LIG3: variants seen among roughly 807,000 people sequenced by gnomAD.
LIG3 encodes DNA ligase 3.
Under a neutral mutation model 110.9 loss-of-function variants are expected in LIG3, and 58 were observed. The ratio of observed to expected loss-of-function variants is 0.52; its 90% CI spans 0.42 to 0.65. LIG3 has a LOEUF of 0.65. LIG3 is among the 30% of genes least tolerant of loss of function. The pLI is 0.00. For synonymous variants in LIG3, 422 were observed against 472.8 expected (o/e 0.89, Z 1.39); for missense variants, 1,094 against 1,273.8 (o/e 0.86, Z 2.15).
chr17:34,997,037 G>C, intron 11 of LIG3: 1 of 179,004 alleles, frequency 5.6e-6, no homozygotes. Flanking sequence ...GGCTCCAGTG[G>C]CACCCCTGGG....
chr17:34,999,290 T>C lies in LIG3; in HGVS notation c.2114-17T>C, dbSNP rs1555556973. 11 of 1,607,134 alleles carry C rather than the reference T, an allele frequency of 6.8e-6. No individual in the cohort carries two copies. In the Admixed American group the frequency reaches 1.8e-4, roughly 27 times the overall value. Reference sequence around the variant, plus strand: ...ATGGCTCCTCCAACCCACACTCATCTCACACTCCCCTCCCAGGCGGCATGA... The same window carrying C: ...ATGGCTCCTCCAACCCACACTCATCCCACACTCCCCTCCCAGGCGGCATGA... On this transcript the variant is annotated splice_polypyrimidine_tract_variant and intron_variant, in intron 14 of 19. Coordinates refer to ENST00000378526, the MANE Select transcript of LIG3 (RefSeq NM_013975.4).
At chr17:34,996,913 G>T in intron 11 of LIG3, 3 of 447,392 alleles carry the variant, frequency 6.7e-6, no homozygotes, top group Non-Finnish European at 1.2e-5. Context: ...TTAAGTCACA[G>T]AAGAAACCCA....
At chr17:34,981,657 G>C (rs1463649278) in intron 1 of LIG3, 1 of 152,212 alleles carries the variant, frequency 6.6e-6, no homozygotes, top group Non-Finnish European at 1.5e-5. Context: ...AGTCAGACTT[G>C]CACTCCCATC....
In LIG3 at chr17:34,997,767, A is replaced by C. The variant is rs1415178545; in HGVS notation, c.1853A>C (p.His618Pro). Residue 618 changes from histidine (H) to proline (P), a missense_variant, in exon 12 of 20, where the codon CAT (histidine) becomes CCT (proline). His to Pro is a moderately conservative substitution (Grantham distance 77). Transcript: ENST00000378526. ...RPLCERRKFLHDNMVEIPNRI... is the reference protein window; with the variant it reads ...RPLCERRKFLPDNMVEIPNRI... ...CTGTGTGAGCGGCGGAAGTTTCTTC[A>C]TGACAACATGGTTGAAATTCCAAAC... 1 of 1,614,042 alleles carries C rather than the reference A, an allele frequency of 6.2e-7. No individual in the cohort carries two copies. Among genetic ancestry groups the C allele is most frequent in the African/African-American group, 1.3e-5 (1 of 74,928 alleles).
chr17:34,996,150 C>T lies in LIG3; in HGVS notation c.1698C>T (p.Asn566=), dbSNP rs199764227. 4 of 1,614,156 alleles carry T rather than the reference C, an allele frequency of 2.5e-6. No homozygotes were observed. The highest frequency in any genetic ancestry group is 2.2e-5 in the South Asian group (2 of 91,080). The change falls in exon 10 of 20, where the codon AAC becomes AAT. Residue 566 remains asparagine (N), a synonymous_variant. Transcript: ENST00000378526. ...ILDSEVLLID[N]KTGKPLPFGT... is the part of the protein sequence containing the mutation. ...ATTCTGAAGTGCTTCTGATTGACAA[C>T]AAGACAGGCAAACCACTGCCCTTTG... is the stretch of plus-strand genomic sequence containing the variant.
intron 2 of LIG3, 112 bp downstream of exon 2, chr17:34,983,664 TCTCA>T: frequency 9.5e-7 from 1 of 1,054,606 alleles, no homozygotes; most frequent in South Asian, 1.7e-5. Flanking sequence ...AGAGATGGGG[TCTCA>T]CTCTGTTGCC....
At chr17:34,996,813 A>G (rs543683173) in intron 11 of LIG3, among the ~76,000 whole-genome samples, 160 bp downstream of exon 11, 1 of 152,286 alleles carries the variant, frequency 6.6e-6, no homozygotes, top group East Asian at 1.9e-4. Flanking sequence ...GGCAAGAGGG[A>G]GCTGAGAGGA....
chr17:35,003,025 A>G, intron 19 of LIG3: 1 of 1,614,222 alleles, frequency 6.2e-7, no homozygotes, highest in Non-Finnish European at 8.5e-7. Context: ...GAGAGGAAGA[A>G]CTGTGCCAGC....
rs560897432 is a variant in LIG3 at position 34,991,366 on chromosome 17, A to G, written c.1041+252A>G. On this transcript the variant is annotated intron_variant, in intron 5 of 19. Coordinates refer to ENST00000378526, the MANE Select transcript of LIG3 (RefSeq NM_013975.4). ...TGGTTCTCAAAAGGCAGAATTTGAG[A>G]CTTGCCCCCTCTGTCTCTCCTGGGG... 2.6e-5 allele frequency: 15 copies of G among 566,600 alleles called. No individual in the cohort carries two copies. In the South Asian group the frequency reaches 3.3e-4, roughly 13 times the overall value. The allele number at this position is 566,600 out of a possible 1,614,324, so 35.1% of individuals were successfully genotyped here. A position where few individuals can be genotyped will look rare whatever the true frequency, so the allele number is the denominator to read the frequency against.
At position 35,002,094 on chromosome 17, in the gene LIG3, C is replaced by T. The variant is rs539553091; in HGVS notation, c.2664C>T (p.Asn888=). The T allele has an allele frequency of 2.8e-5, 44 of 1,583,264 alleles. No individual in the cohort carries two copies. The highest frequency in any genetic ancestry group is 3.3e-5 in the Non-Finnish European group (39 of 1,165,660). The part of the protein sequence containing the change: ...KKAEGKLSNS[N]SKDGNMQTAK... ...CAGAAGGGAAGCTGAGTAACTCCAA[C>T]AGCAAAGATGGTAAGGATAGGGAGG... Residue 888 remains asparagine, a synonymous_variant, in exon 18 of 20, where the codon AAC becomes AAT. Transcript: ENST00000378526.
In LIG3 at chr17:35,009,115, G is replaced by A. The variant is rs1339304126; in HGVS notation, c.*4609G>A. On this transcript the variant is annotated 3_prime_UTR_variant, in exon 20 of 20. Coordinates refer to ENST00000378526, the MANE Select transcript of LIG3 (RefSeq NM_013975.4). ...CATCCTCGCACCAGACAGGACAGGTGTCTGTATTGAAACTTTATTACAAAA... is the reference window on the plus strand; with the variant it reads ...CATCCTCGCACCAGACAGGACAGGTATCTGTATTGAAACTTTATTACAAAA... 1.3e-5 allele frequency: 2 copies of A among 152,646 alleles called. No individual in the cohort carries two copies. The highest frequency in any genetic ancestry group is 4.8e-5 in the African/African-American group (2 of 41,458). 9.5% of individuals were successfully genotyped at this position (152,646 alleles called of 1,614,324 possible).
intron 9 of LIG3, among the ~76,000 whole-genome samples, chr17:34,995,658 T>C (rs911705322): frequency 6.6e-6 from 1 of 152,150 alleles, no homozygotes; most frequent in African/African-American, 2.4e-5. Context: ...ATTTCTACCT[T>C]TCTGGTTTCA....
At position 35,004,308 on chromosome 17, in the gene LIG3, C is replaced by T; in HGVS notation, c.2832C>T (p.Tyr944=). The T allele has an allele frequency of 1.2e-6, 2 of 1,614,178 alleles. No homozygotes were observed. Among genetic ancestry groups the T allele is most frequent in the Non-Finnish European group, 1.7e-6 (2 of 1,180,030 alleles). Residue 944 remains tyrosine, a synonymous_variant, in exon 20 of 20, where the codon TAC becomes TAT. Coordinates refer to ENST00000378526, the MANE Select transcript of LIG3 (RefSeq NM_013975.4). ...LLDIFTGVRL[Y]LPPSTPDFSR... is the part of the protein sequence containing the mutation. Reference sequence around the variant, plus strand: ...ACATCTTCACTGGGGTGCGGCTTTACTTGCCACCCTCCACACCAGACTTCA... The same window carrying T: ...ACATCTTCACTGGGGTGCGGCTTTATTTGCCACCCTCCACACCAGACTTCA...
In LIG3 at chr17:34,986,111, G is replaced by T. The variant is rs202243099; in HGVS notation, c.671G>T (p.Arg224Leu). 3 of 1,613,990 alleles carry T rather than the reference G, an allele frequency of 1.9e-6. No individual in the cohort carries two copies. The highest frequency in any genetic ancestry group is 1.6e-4 in the Middle Eastern group (1 of 6,062). Reference sequence around the variant, plus strand: ...TCATTTGTCACCAGTACCAATCCCCGGAAATTTTCTGGCTTTTCAGGTAAG... The same window carrying T: ...TCATTTGTCACCAGTACCAATCCCCTGAAATTTTCTGGCTTTTCAGGTAAG... ...GASFVTSTNP[R>L]KFSGFSAKPN... The change falls in exon 3 of 20, where the codon CGG becomes CTG. Residue 224 changes from arginine (R) to leucine (L), a missense_variant. Coordinates refer to ENST00000378526, the MANE Select transcript of LIG3 (RefSeq NM_013975.4).
Position 34,980,554 on chromosome 17 carries a change from G to T in LIG3, c.-73G>T, listed in dbSNP as rs929162000. 1.6e-5 allele frequency: 21 copies of T among 1,287,634 alleles called. No homozygotes were observed. The highest frequency in any genetic ancestry group is 2.1e-5 in the Non-Finnish European group (21 of 987,784). The allele number at this position is 1,287,634 out of a possible 1,614,324, so 79.8% of individuals were successfully genotyped here. A position where few individuals can be genotyped will look rare whatever the true frequency, so the allele number is the denominator to read the frequency against. On this transcript the variant is annotated 5_prime_UTR_variant, in exon 1 of 20. Coordinates refer to ENST00000378526, the MANE Select transcript of LIG3 (RefSeq NM_013975.4). ...TAAAGAGACAGGCGCTCCAACCGTC[G>T]TGGGCTGCCCGCGGCCTGTAATGAG...
In LIG3 at chr17:34,998,604, G is replaced by T; in HGVS notation, c.1990G>T (p.Gly664Cys). 1.2e-6 allele frequency: 2 copies of T among 1,614,020 alleles called. No individual in the cohort carries two copies. The highest frequency in any genetic ancestry group is 1.1e-5 in the South Asian group (1 of 91,056). ...LEGLVLKDVK[G>C]TYEPGKRHWL... ...TGGTCTCTCTTTTGCTTCCCTTCAGGGTACATATGAGCCTGGGAAGCGGCA... is the reference window on the plus strand; with the variant it reads ...TGGTCTCTCTTTTGCTTCCCTTCAGTGTACATATGAGCCTGGGAAGCGGCA... Residue 664 changes from glycine (G) to cysteine (C), a missense_variant and splice_region_variant, in exon 14 of 20, where the codon GGT becomes TGT. Transcript: ENST00000378526.
chr17:34,997,516 C>T (rs1224740759), intron 11 of LIG3: 1 of 526,310 alleles, frequency 1.9e-6, no homozygotes, highest in Non-Finnish European at 3.4e-6. Flanking sequence ...CTAGGAACTA[C>T]AACTATGAAC....
In LIG3 at chr17:35,004,530, A is replaced by T; in HGVS notation, c.*24A>T. 1 of 1,580,392 alleles carries T rather than the reference A, an allele frequency of 6.3e-7. No individual in the cohort carries two copies. The highest frequency in any genetic ancestry group is 8.7e-7 in the Non-Finnish European group (1 of 1,149,742). On this transcript the variant is annotated 3_prime_UTR_variant, in exon 20 of 20. Coordinates refer to ENST00000378526, the MANE Select transcript of LIG3 (RefSeq NM_013975.4). ...AGGTTTGCTGTCTTCCCTCTCCCTCAGGCCATACTCTCCTTTACCATACTA... is the reference window on the plus strand; with the variant it reads ...AGGTTTGCTGTCTTCCCTCTCCCTCTGGCCATACTCTCCTTTACCATACTA...
chr17:35,004,555 A>G lies in LIG3; in HGVS notation c.*49A>G. 6.7e-7 allele frequency: 1 copy of G among 1,492,158 alleles called. No individual in the cohort carries two copies. The highest frequency in any genetic ancestry group is 9.3e-7 in the Non-Finnish European group (1 of 1,073,224). 92.4% of individuals were successfully genotyped at this position (1,492,158 alleles called of 1,614,324 possible). ...AGGCCATACTCTCCTTTACCATACT[A>G]CTGGACTGGACTCAGGCTGGAGGCA... On this transcript the variant is annotated 3_prime_UTR_variant, in exon 20 of 20. Transcript: ENST00000378526.
Sources: gnomAD v4.1 joint callset for allele counts (sites outside exome capture counted in the v4.1 genomes callset) on GRCh38, gnomAD v4.1.1 for gene constraint, MANE v1.5 for transcripts, NCBI Gene and HGNC (gene_info 2026-07-23, HGNC 2026-07-21) for gene names.